The following TBC1D24 variants were observed in gnomAD, a reference collection of about 807,000 sequenced individuals.
TBC1D24 encodes Infantile myoclonic epilepsy.
A neutral mutation model predicts 50.7 loss-of-function variants in TBC1D24; 47 were observed. The observed-to-expected ratio is 0.93, with a 90% CI of 0.73 to 1.18. TBC1D24 has a LOEUF of 1.18. Ranked by LOEUF, TBC1D24 falls within the 50% of genes most tolerant of loss-of-function variation. The probability of loss-of-function intolerance (pLI) is 0.00; values close to 1 mark genes in which losing one functional copy is unlikely to be tolerated. For synonymous variants in TBC1D24, 324 were observed against 335.2 expected, an observed-to-expected ratio of 0.97 and a Z score of 0.36; for missense variants, 688 against 766.5, an observed-to-expected ratio of 0.90 and a Z score of 1.21.
intron 1 of TBC1D24, chr16:2,478,135 C>T (rs1190853812): frequency 6.6e-6 from 1 of 152,274 alleles, no homozygotes; most frequent in Non-Finnish European, 1.5e-5. Flanking sequence ...ATGGCACACC[C>T]AGAGAGACAT....
chr16:2,493,429 G>A (rs1382000084), intron 1 of TBC1D24, among the ~76,000 whole-genome samples: 1 of 152,114 alleles, frequency 6.6e-6, no homozygotes, highest in African/African-American at 2.4e-5. Context: ...GTGAGCCACC[G>A]CGTCCGGCCT....
rs553147596 is a variant in TBC1D24 at position 2,482,375 on chromosome 16, C to T, written c.-116+7205C>T. On this transcript the variant is annotated intron_variant, in intron 1 of 7. Coordinates refer to ENST00000646147, the MANE Select transcript of TBC1D24 (RefSeq NM_001199107.2). This position sits in a 1 kb window ranked among gnomAD's most constrained non-coding sequence, Gnocchi z 5.2. Reference sequence around the variant, plus strand: ...GGACAGGAGGCGTGGAGCTCTGTGACGCCTTGGCCCTGCCCCAGAGGTCCC... The same window carrying T: ...GGACAGGAGGCGTGGAGCTCTGTGATGCCTTGGCCCTGCCCCAGAGGTCCC... Among the ~76,000 whole-genome samples the T allele has an allele frequency of 5.3e-5, 8 of 152,220 alleles. No individual in the cohort carries two copies. The highest frequency in any genetic ancestry group is 2.1e-4 in the South Asian group (1 of 4,818).
chr16:2,476,294 C>T lies in TBC1D24; in HGVS notation c.-116+1124C>T, dbSNP rs559636113. On this transcript the variant is annotated intron_variant, in intron 1 of 7. Coordinates refer to ENST00000646147, the MANE Select transcript of TBC1D24 (RefSeq NM_001199107.2). ...TAGATGGCACACGTGGCGTTTCCTCCGCCCGAGGGCCAGGGCTCTGTCTTC... is the reference window on the plus strand; with the variant it reads ...TAGATGGCACACGTGGCGTTTCCTCTGCCCGAGGGCCAGGGCTCTGTCTTC... Among the ~76,000 whole-genome samples, 6 of 152,170 alleles carry T rather than the reference C, an allele frequency of 3.9e-5. No homozygotes were observed. The South Asian group carries it at 1.0e-3, about 26-fold the overall frequency.
chr16:2,499,996 C>A lies in TBC1D24; in HGVS notation c.1302+66C>A. ...TGTAGCTGCATCCCTCCAGGAGCAC[C>A]CGCCTGCCCTGGGGACACTGTTGGG... On this transcript the variant is annotated intron_variant, in intron 6 of 7. Coordinates refer to ENST00000646147, the MANE Select transcript of TBC1D24 (RefSeq NM_001199107.2). This position sits in a 1 kb window ranked among gnomAD's most constrained non-coding sequence, Gnocchi z 4.0. 1 of 1,427,284 alleles carries A rather than the reference C, an allele frequency of 7.0e-7. No homozygotes were observed. Among genetic ancestry groups the A allele is most frequent in the Non-Finnish European group, 9.8e-7 (1 of 1,019,204 alleles). The allele number at this position is 1,427,284 out of a possible 1,614,324, so 88.4% of individuals were successfully genotyped here. A position where few individuals can be genotyped will look rare whatever the true frequency, so the allele number is the denominator to read the frequency against.
rs1479322168 is a variant in TBC1D24, at chr16:2,475,465, G to A, written c.-116+295G>A. 2.0e-5 allele frequency among the ~76,000 whole-genome samples: 3 copies of A among 151,994 alleles called. No individual in the cohort carries two copies. Among genetic ancestry groups the A allele is most frequent in the African/African-American group, 7.2e-5 (3 of 41,508 alleles). ...GGCCCGCGGCCCGGCCCAGGGCATG[G>A]TGTCGTCTGGAAGAGTGACTGTGTC... On this transcript the variant is annotated intron_variant, in intron 1 of 7. Transcript: ENST00000646147. This position sits in a 1 kb window ranked among gnomAD's most constrained non-coding sequence, Gnocchi z 4.2.
At chr16:2,495,061 CAAA>C (rs1380849907) in intron 1 of TBC1D24, among the ~76,000 whole-genome samples, 1 of 150,370 alleles carries the variant, frequency 6.7e-6, no homozygotes, top group Non-Finnish European at 1.5e-5. Flanking sequence ...TAATAATAAA[CAAA>C]AAAACAGGCC....
chr16:2,476,282 T>G, intron 1 of TBC1D24, among the ~76,000 whole-genome samples: 1 of 151,984 alleles, frequency 6.6e-6, no homozygotes, highest in East Asian at 1.9e-4. Flanking sequence ...ATGGCACACG[T>G]GGCGTTTCCT....
chr16:2,505,039 T>A lies in TBC1D24; in HGVS notation c.*4081T>A, dbSNP rs2065824369. 2 of 152,246 alleles carry A rather than the reference T, an allele frequency of 1.3e-5. No homozygotes were observed. Among genetic ancestry groups the A allele is most frequent in the Non-Finnish European group, 2.9e-5 (2 of 68,046 alleles). The allele number at this position is 152,246 out of a possible 1,614,324, so 9.4% of individuals were successfully genotyped here. On this transcript the variant is annotated 3_prime_UTR_variant, in exon 8 of 8. Transcript: ENST00000646147. ...GGCGTGAGCTGCTGTGCCCAGCTCATCCAGATTCTTGCTGGTTCTCTTTCT... is the reference window on the plus strand; with the variant it reads ...GGCGTGAGCTGCTGTGCCCAGCTCAACCAGATTCTTGCTGGTTCTCTTTCT...
chr16:2,499,999 C>T lies in TBC1D24; in HGVS notation c.1302+69C>T. Reference sequence around the variant, plus strand: ...AGCTGCATCCCTCCAGGAGCACCCGCCTGCCCTGGGGACACTGTTGGGTGT... The same window carrying T: ...AGCTGCATCCCTCCAGGAGCACCCGTCTGCCCTGGGGACACTGTTGGGTGT... On this transcript the variant is annotated intron_variant, in intron 6 of 7. Transcript: ENST00000646147. This position sits in a 1 kb window ranked among gnomAD's most constrained non-coding sequence, Gnocchi z 4.0. The T allele has an allele frequency of 7.1e-7, 1 of 1,412,402 alleles. No homozygotes were observed. 87.5% of individuals were successfully genotyped at this position (1,412,402 alleles called of 1,614,324 possible).
rs1393408939 is a variant in TBC1D24, at chr16:2,475,728, T to A, written c.-116+558T>A. ...GGTGCGCCGTGCCAGGCGGCCGCTGTCCTTCGGGCCCTGGGAGGTGGAAGC... is the reference window on the plus strand; with the variant it reads ...GGTGCGCCGTGCCAGGCGGCCGCTGACCTTCGGGCCCTGGGAGGTGGAAGC... On this transcript the variant is annotated intron_variant, in intron 1 of 7. Coordinates refer to ENST00000646147, the MANE Select transcript of TBC1D24 (RefSeq NM_001199107.2). This position sits in a 1 kb window ranked among gnomAD's most constrained non-coding sequence, Gnocchi z 4.2. Among the ~76,000 whole-genome samples, 1 of 151,874 alleles carries A rather than the reference T, an allele frequency of 6.6e-6. No homozygotes were observed. Among genetic ancestry groups the A allele is most frequent in the African/African-American group, 2.4e-5 (1 of 41,330 alleles).
chr16:2,495,142 C>G (rs978884444), intron 1 of TBC1D24, among the ~76,000 whole-genome samples: 1 of 152,094 alleles, frequency 6.6e-6, no homozygotes, highest in Admixed American at 6.6e-5. Flanking sequence ...TGCTTGAGAT[C>G]AGGAGTTTAA....
chr16:2,498,513 G>T, intron 4 of TBC1D24, 117 bp downstream of exon 4: 1 of 991,390 alleles, frequency 1.0e-6, no homozygotes, highest in South Asian at 1.6e-5. Flanking sequence ...TTCTTCCTGT[G>T]GGGCCTAAGA....
chr16:2,499,812 C>G lies in TBC1D24; in HGVS notation c.1207-23C>G, dbSNP rs751466457. On this transcript the variant is annotated intron_variant, in intron 5 of 7. Transcript: ENST00000646147. The surrounding 1 kb of genome is among the most constrained non-coding windows in gnomAD (Gnocchi z 4.0). The stretch of plus-strand genomic sequence containing the variant: ...CGCTCCTGGGGGCCTGCGGGCACAG[C>G]CTCACCCAGACCTTTCCCCCAGGTG... 5 of 1,605,290 alleles carry G rather than the reference C, an allele frequency of 3.1e-6. No homozygotes were observed. Among genetic ancestry groups the G allele is most frequent in the Non-Finnish European group, 4.3e-6 (5 of 1,172,122 alleles).
In TBC1D24 at chr16:2,498,208, C is replaced by T. The variant is rs201128671; in HGVS notation, c.984-30C>T. On this transcript the variant is annotated intron_variant, in intron 3 of 7. Coordinates refer to ENST00000646147, the MANE Select transcript of TBC1D24 (RefSeq NM_001199107.2). ...CATGGCCTGGCCCCAGACGTGCCTT[C>T]GGGCTCTGACCCCTGCTCGCTCCCC... 682 of 1,574,358 alleles carry T rather than the reference C, an allele frequency of 4.3e-4. No homozygotes were observed. In the African/African-American group the frequency reaches 4.6e-3, roughly 11 times the overall value.
chr16:2,488,447 T>C (rs1012157126), intron 1 of TBC1D24, among the ~76,000 whole-genome samples: 1 of 151,626 alleles, frequency 6.6e-6, no homozygotes, highest in Non-Finnish European at 1.5e-5. Flanking sequence ...AGATAACATT[T>C]TGGGGAAATA....
In TBC1D24 at chr16:2,486,893, A is replaced by G. The variant is rs1364338576; in HGVS notation, c.-115-9141A>G. Among the ~76,000 whole-genome samples the G allele has an allele frequency of 6.6e-6, 1 of 152,078 alleles. No homozygotes were observed. The highest frequency in any genetic ancestry group is 1.5e-5 in the Non-Finnish European group (1 of 68,002). On this transcript the variant is annotated intron_variant, in intron 1 of 7. Transcript: ENST00000646147. The surrounding 1 kb of genome is among the most constrained non-coding windows in gnomAD (Gnocchi z 5.8). ...CACGGTCCTGTGGGATCCAACCCTGAGCCATCTCTGGGGGTCCCCTCATCT... is the reference window on the plus strand; with the variant it reads ...CACGGTCCTGTGGGATCCAACCCTGGGCCATCTCTGGGGGTCCCCTCATCT...
In TBC1D24 at chr16:2,487,394, C is replaced by A. The variant is rs1182347349; in HGVS notation, c.-115-8640C>A. On this transcript the variant is annotated intron_variant, in intron 1 of 7. Coordinates refer to ENST00000646147, the MANE Select transcript of TBC1D24 (RefSeq NM_001199107.2). The surrounding 1 kb of genome is among the most constrained non-coding windows in gnomAD (Gnocchi z 4.1). ...TCCTCACGTTTGCTGTGACCTGGGA[C>A]AGGAGCGGTCCCCAGGAAGGGAGGC... Among the ~76,000 whole-genome samples the A allele has an allele frequency of 6.6e-6, 1 of 152,248 alleles. No individual in the cohort carries two copies. Among genetic ancestry groups the A allele is most frequent in the Non-Finnish European group, 1.5e-5 (1 of 68,050 alleles).
At chr16:2,476,676 G>A (rs2065571600) in intron 1 of TBC1D24, 2 of 152,424 alleles carry the variant, frequency 1.3e-5, no homozygotes, top group African/African-American at 2.4e-5. Flanking sequence ...GGCCGGACCA[G>A]AGGTTTTCTC....
In TBC1D24 at chr16:2,499,618, A is replaced by G. The variant is rs2065773304; in HGVS notation, c.1206+198A>G. Among the ~76,000 whole-genome samples the G allele has an allele frequency of 6.6e-6, 1 of 152,048 alleles. No homozygotes were observed. Among genetic ancestry groups the G allele is most frequent in the Non-Finnish European group, 1.5e-5 (1 of 67,958 alleles). On this transcript the variant is annotated intron_variant, in intron 5 of 7. Transcript: ENST00000646147. This position sits in a 1 kb window ranked among gnomAD's most constrained non-coding sequence, Gnocchi z 4.0. ...GGGGAAATGAGACTATCCCCAACAC[A>G]GCCCCCGCCCACCCTCATTGCCAGC...
Sources: gnomAD v4.1 joint callset for allele counts (sites outside exome capture counted in the v4.1 genomes callset) on GRCh38, gnomAD v4.1.1 for gene constraint, Gnocchi (gnomAD v3.1) non-coding constraint, MANE v1.5 for transcripts, NCBI Gene and HGNC (gene_info 2026-07-23, HGNC 2026-07-21) for gene names.